The following SOX5 variants were observed in gnomAD, a reference collection of about 807,000 sequenced individuals.
SOX5 encodes the protein SRY-box transcription factor 5.
SOX5 carries 9 observed loss-of-function variants against 92.0 expected under a neutral mutation model. The observed-to-expected ratio is 0.10, with a 90% CI of 0.06 to 0.17. The LOEUF (loss-of-function observed/expected upper bound fraction) is 0.17, where lower values mean the gene tolerates loss of function less well. SOX5 is among the 10% of genes least tolerant of loss of function. The pLI is 1.00. For missense variants in SOX5, 642 were observed against 944.5 expected, an observed-to-expected ratio of 0.68 and a Z score of 4.20; for synonymous variants, 344 against 336.3, an observed-to-expected ratio of 1.02 and a Z score of -0.25.
intron 8 of SOX5, among the ~76,000 whole-genome samples, chr12:23,607,855 G>T (rs1486064039): frequency 6.6e-6 from 1 of 152,086 alleles, no homozygotes; most frequent in African/African-American, 2.4e-5. Context: ...AATAATAACA[G>T]ATAAAACCCA....
intron 4 of SOX5, among the ~76,000 whole-genome samples, chr12:23,999,790 A>C (rs2136352588): frequency 6.6e-6 from 1 of 152,144 alleles, no homozygotes; most frequent in East Asian, 1.9e-4. Flanking sequence ...ATCCTTCAAA[A>C]AATGAAGGAG....
intron 3 of SOX5, among the ~76,000 whole-genome samples, chr12:24,217,502 A>G (rs1959274538): frequency 6.6e-6 from 1 of 152,240 alleles, no homozygotes; most frequent in African/African-American, 2.4e-5. Context: ...CTCAAAATGG[A>G]TGACATACAC....
chr12:24,219,963 G>A (rs893006052), intron 3 of SOX5, among the ~76,000 whole-genome samples: 2 of 152,162 alleles, frequency 1.3e-5, no homozygotes, highest in East Asian at 1.9e-4. Flanking sequence ...AAACCTTTCT[G>A]AGCCTTAGTT....
intron 2 of SOX5, among the ~76,000 whole-genome samples, chr12:24,296,110 T>C (rs1947216323): frequency 6.6e-6 from 1 of 152,312 alleles, no homozygotes; most frequent in African/African-American, 2.4e-5. Flanking sequence ...AAAAACTTCA[T>C]AATCTTTCAC....
intron 11 of SOX5, among the ~76,000 whole-genome samples, chr12:23,554,488 G>C (rs533463254): frequency 6.6e-6 from 1 of 152,112 alleles, no homozygotes; most frequent in Admixed American, 6.6e-5. Context: ...GCTTTGAGCT[G>C]TAAGACTTCA....
chr12:23,850,064 A>G (rs1477728906), intron 2 of SOX5, among the ~76,000 whole-genome samples: 3 of 152,152 alleles, frequency 2.0e-5, no homozygotes, highest in Non-Finnish European at 4.4e-5. Flanking sequence ...ATACACAGAG[A>G]ACGTACTTTG....
intron 3 of SOX5, among the ~76,000 whole-genome samples, chr12:23,807,098 A>C (rs928825890): frequency 4.0e-5 from 6 of 150,868 alleles, no homozygotes; most frequent in African/African-American, 7.3e-5. Flanking sequence ...AAAATTATGT[A>C]TTCTTCTTTT....
intron 4 of SOX5, among the ~76,000 whole-genome samples, chr12:24,033,177 G>GT (rs1276858337): frequency 6.6e-6 from 1 of 151,844 alleles, no homozygotes; most frequent in Non-Finnish European, 1.5e-5. Flanking sequence ...TTAATTTGTT[G>GT]TTATACATCT....
chr12:24,280,096 T>G (rs1332913898), intron 2 of SOX5, among the ~76,000 whole-genome samples: 1 of 152,102 alleles, frequency 6.6e-6, no homozygotes, highest in Non-Finnish European at 1.5e-5. Flanking sequence ...ACATAAAAAA[T>G]ATATTCATTT....
At chr12:23,602,697 A>C (rs1353112286) in intron 9 of SOX5, among the ~76,000 whole-genome samples, 6 of 152,086 alleles carry the variant, frequency 3.9e-5, no homozygotes, top group African/African-American at 7.2e-5. Flanking sequence ...TCACAGACAC[A>C]CATTGTCTGT....
intron 3 of SOX5, among the ~76,000 whole-genome samples, chr12:23,767,231 C>CAA (rs2094764316): frequency 7.3e-6 from 1 of 136,246 alleles, no homozygotes; most frequent in African/African-American, 2.5e-5. Context: ...CACACACACA[C>CAA]ACACACACAC....
intron 9 of SOX5, among the ~76,000 whole-genome samples, chr12:23,589,952 A>G (rs555325865): frequency 8.6e-5 from 13 of 151,992 alleles, no homozygotes; most frequent in African/African-American, 3.1e-4. Flanking sequence ...GACAAGTACA[A>G]TGAAGTATTA....
At chr12:23,909,815 C>T (rs1041836919) in intron 1 of SOX5, among the ~76,000 whole-genome samples, 26 of 142,722 alleles carry the variant, frequency 1.8e-4, no homozygotes, top group African/African-American at 6.8e-4. Context: ...TTTTTAACCT[C>T]ATTACCACAT....
Position 24,345,338 on chromosome 12 carries a change from C to A in SOX5, c.-174+23225G>T, listed in dbSNP as rs79618527. On this transcript the variant is annotated intron_variant, in intron 2 of 4. Coordinates refer to the SOX5 transcript ENST00000446891. ...GACTTCAGGTGACCAAACCTTCAAG[C>A]CTTCCTTTGCCTACACCAACTTCCA... Among the ~76,000 whole-genome samples the A allele has an allele frequency of 2.9e-3, 446 of 152,284 alleles. 2 individuals are homozygous for A. Among genetic ancestry groups the A allele is most frequent in the African/African-American group, 0.01 (427 of 41,552 alleles).
chr12:23,593,285 C>T (rs891392220), intron 9 of SOX5, among the ~76,000 whole-genome samples: 1 of 152,218 alleles, frequency 6.6e-6, no homozygotes, highest in Admixed American at 6.5e-5. Context: ...CTGTTGAAGA[C>T]CTTTTCTCCC....
chr12:23,975,885 T>C (rs1948834069), intron 4 of SOX5, among the ~76,000 whole-genome samples: 1 of 152,208 alleles, frequency 6.6e-6, no homozygotes, highest in Non-Finnish European at 1.5e-5. Flanking sequence ...TGGCAGATTA[T>C]CCTTCTTAAC....
chr12:24,443,848 G>C (rs376084091), intron 1 of SOX5, among the ~76,000 whole-genome samples: 10 of 152,304 alleles, frequency 6.6e-5, no homozygotes, highest in African/African-American at 2.4e-4. Flanking sequence ...TTCTAATATA[G>C]TACTTCATAT....
chr12:23,633,649 G>A (rs1006571709), intron 8 of SOX5, among the ~76,000 whole-genome samples: 1 of 151,924 alleles, frequency 6.6e-6, no homozygotes. Context: ...AAGAGAGAAG[G>A]TAAACTCAGT....
chr12:23,895,540 A>G (rs1167769529), intron 2 of SOX5, among the ~76,000 whole-genome samples: 1 of 152,140 alleles, frequency 6.6e-6, no homozygotes, highest in East Asian at 1.9e-4. Context: ...TATTTTGTAT[A>G]TTTTTTCCCC....
Sources: allele counts gnomAD v4.1 joint callset (sites outside exome capture counted in the v4.1 genomes callset), GRCh38; gene constraint gnomAD v4.1.1; transcripts MANE v1.5; gene names NCBI Gene and HGNC (gene_info 2026-07-23, HGNC 2026-07-21).